Variants in CNTN4 observed in about 807,000 individuals in gnomAD.
The protein encoded by CNTN4 is contactin-4.
A neutral mutation model predicts 122.5 loss-of-function variants in CNTN4; 77 were observed. The observed-to-expected ratio is 0.63, with a 90% CI of 0.52 to 0.76. The LOEUF (loss-of-function observed/expected upper bound fraction) is 0.76. Among genes scored for constraint, CNTN4 ranks in the 30% least tolerant of loss-of-function variants. The pLI, the probability that CNTN4 is intolerant of heterozygous loss-of-function variation, is 0.00. For synonymous variants in CNTN4, 512 were observed against 447.0 expected (o/e 1.15, Z -1.83); for missense variants, 1,256 against 1,259.1 (o/e 1.00, Z 0.04).
At chr3:2,484,518 T>C (rs1339869197) in intron 3 of CNTN4, among the ~76,000 whole-genome samples, 2 of 152,100 alleles carry the variant, frequency 1.3e-5, no homozygotes, top group African/African-American at 4.8e-5. Flanking sequence ...TTATATGGAA[T>C]TGCTAAAGGA....
intron 3 of CNTN4, among the ~76,000 whole-genome samples, chr3:2,401,632 G>C (rs2046863491): frequency 6.6e-6 from 1 of 152,076 alleles, no homozygotes; most frequent in African/African-American, 2.4e-5. Flanking sequence ...CAAGACTAGA[G>C]AGGCAAACAA....
chr3:2,579,164 T>C (rs1367802065), intron 4 of CNTN4, among the ~76,000 whole-genome samples: 1 of 152,226 alleles, frequency 6.6e-6, no homozygotes, highest in Admixed American at 6.5e-5. Context: ...GCTGGATGTC[T>C]TAACTATAAG....
chr3:3,036,187 A>G (rs1219381330), intron 17 of CNTN4, among the ~76,000 whole-genome samples: 1 of 152,214 alleles, frequency 6.6e-6, no homozygotes, highest in Admixed American at 6.5e-5. Context: ...AGTAGGCTAT[A>G]TGGCCTTGAT....
intron 3 of CNTN4, among the ~76,000 whole-genome samples, chr3:2,551,954 G>T (rs1302589411): frequency 1.3e-5 from 2 of 152,136 alleles, no homozygotes; most frequent in East Asian, 3.9e-4. Flanking sequence ...TGGATATTCA[G>T]AATGTCTTGC....
Position 2,622,173 on chromosome 3 carries a change from T to C in CNTN4, c.55+50615T>C, listed in dbSNP as rs1051365783. On this transcript the variant is annotated intron_variant, in intron 4 of 24. Coordinates refer to ENST00000418658, the MANE Select transcript of CNTN4 (RefSeq NM_175607.3). ...AGATTCTGCGTTTGGTTATGTATCC[T>C]GTACTCACTATGGCAGTAGGAGGAG... 2.6e-5 allele frequency among the ~76,000 whole-genome samples: 4 copies of C among 152,210 alleles called. No homozygotes were observed. The South Asian group carries it at 8.3e-4, about 32-fold the overall frequency.
chr3:2,379,500 C>T (rs149138574), intron 3 of CNTN4, among the ~76,000 whole-genome samples: 15 of 152,190 alleles, frequency 9.9e-5, no homozygotes, highest in Non-Finnish European at 1.5e-4. Flanking sequence ...ATATTGCATC[C>T]GGAGTACCAC....
intron 15 of CNTN4, among the ~76,000 whole-genome samples, chr3:3,027,901 A>T (rs1441958716): frequency 6.6e-6 from 1 of 152,210 alleles, no homozygotes; most frequent in Non-Finnish European, 1.5e-5. Flanking sequence ...AGAGCTGCTC[A>T]CATTCATCTT....
At chr3:2,799,435 A>G (rs1364382149) in intron 6 of CNTN4, among the ~76,000 whole-genome samples, 1 of 151,976 alleles carries the variant, frequency 6.6e-6, no homozygotes, top group African/African-American at 2.4e-5. Flanking sequence ...AGTTTTTCCT[A>G]GGTTTTCTTC....
intron 3 of CNTN4, among the ~76,000 whole-genome samples, chr3:2,426,279 G>T (rs946205248): frequency 6.6e-6 from 1 of 152,096 alleles, no homozygotes; most frequent in Non-Finnish European, 1.5e-5. Context: ...TAGCATGAAC[G>T]GCTGTTGAAT....
At chr3:2,612,305 T>TA (rs1324643771) in intron 4 of CNTN4, among the ~76,000 whole-genome samples, 1 of 152,132 alleles carries the variant, frequency 6.6e-6, no homozygotes, top group African/African-American at 2.4e-5. Flanking sequence ...TTACCTAGCC[T>TA]ACATTGGTCA....
intron 12 of CNTN4, among the ~76,000 whole-genome samples, chr3:2,912,622 A>G (rs1007035673): frequency 2.0e-5 from 3 of 152,270 alleles, no homozygotes; most frequent in South Asian, 2.1e-4. Flanking sequence ...CTATAAATCT[A>G]TGTTAATAAC....
intron 3 of CNTN4, among the ~76,000 whole-genome samples, chr3:2,469,838 G>C (rs1036116840): frequency 6.6e-6 from 1 of 152,104 alleles, no homozygotes; most frequent in Non-Finnish European, 1.5e-5. Context: ...AGTGAAAAAC[G>C]TAAATAACTT....
chr3:2,525,245 G>A (rs972438429), intron 3 of CNTN4, among the ~76,000 whole-genome samples: 1 of 152,102 alleles, frequency 6.6e-6, no homozygotes, highest in African/African-American at 2.4e-5. Flanking sequence ...ATTCTATGGG[G>A]ACTGCCTTTT....
intron 4 of CNTN4, among the ~76,000 whole-genome samples, chr3:2,575,419 G>A (rs568922331): frequency 6.6e-6 from 1 of 152,208 alleles, no homozygotes; most frequent in South Asian, 2.1e-4. Flanking sequence ...GCTGAGGCAT[G>A]AGAATCACTT....
At chr3:2,781,799 A>C (rs7648735) in intron 6 of CNTN4, among the ~76,000 whole-genome samples, 39,435 of 115,446 alleles carry the variant, frequency 0.34, 7,717 homozygotes, top group South Asian at 0.43. Flanking sequence ...ATCTCTGCTC[A>C]CTGCAACCTC....
At chr3:2,199,750 A>G (rs555481721) in intron 2 of CNTN4, among the ~76,000 whole-genome samples, 1 of 152,174 alleles carries the variant, frequency 6.6e-6, no homozygotes, top group Non-Finnish European at 1.5e-5. Context: ...CAAGACAAAC[A>G]CCCAATACAT....
chr3:2,630,207 G>T (rs1320877478), intron 4 of CNTN4, among the ~76,000 whole-genome samples: 2 of 152,208 alleles, frequency 1.3e-5, no homozygotes. Flanking sequence ...GGCCAAGGCT[G>T]GCGGATCACT....
intron 14 of CNTN4, among the ~76,000 whole-genome samples, chr3:3,025,158 GA>G (rs1698623604): frequency 6.6e-6 from 1 of 152,142 alleles, no homozygotes; most frequent in Non-Finnish European, 1.5e-5. Flanking sequence ...CTATGGGTGT[GA>G]ATGTAGTTTT....
chr3:2,207,933 T>C (rs2038437251), intron 2 of CNTN4, among the ~76,000 whole-genome samples: 1 of 152,010 alleles, frequency 6.6e-6, no homozygotes, highest in Non-Finnish European at 1.5e-5. Flanking sequence ...ATTCTAAAAA[T>C]CCTAGGAATT....
Sources: allele counts gnomAD v4.1 joint callset (sites outside exome capture counted in the v4.1 genomes callset), GRCh38; gene constraint gnomAD v4.1.1; transcripts MANE v1.5; gene names NCBI Gene and HGNC (gene_info 2026-07-23, HGNC 2026-07-21).